Variants in MAPRE2 observed in about 807,000 individuals in gnomAD.
MAPRE2 encodes the protein microtubule associated protein RP/EB family member 2.
In MAPRE2, 13 loss-of-function variants were observed where a neutral mutation model predicts 43.2. That is an observed-to-expected ratio of 0.30 (90% confidence interval 0.20 to 0.48). MAPRE2 has a LOEUF of 0.48. MAPRE2 is among the 20% of genes least tolerant of loss of function. MAPRE2 has a pLI of 0.99. For synonymous variants in MAPRE2, 135 were observed against 148.8 expected, an observed-to-expected ratio of 0.91 and a Z score of 0.68; for missense variants, 161 against 400.2, an observed-to-expected ratio of 0.40 and a Z score of 5.10.
intron 2 of MAPRE2, among the ~76,000 whole-genome samples, chr18:35,096,721 A>G (rs1027814353): frequency 6.6e-6 from 1 of 152,110 alleles, no homozygotes; most frequent in Non-Finnish European, 1.5e-5. Flanking sequence ...TAAATTTACC[A>G]ATTTAATACT....
chr18:35,133,613 G>A (rs1910260558), intron 6 of MAPRE2, among the ~76,000 whole-genome samples: 1 of 152,238 alleles, frequency 6.6e-6, no homozygotes, highest in Admixed American at 6.5e-5. Context: ...CTGCTAGTGG[G>A]AATAAGGCCG....
intron 4 of MAPRE2, among the ~76,000 whole-genome samples, chr18:35,108,578 A>G (rs1909018897): frequency 6.6e-6 from 1 of 152,202 alleles, no homozygotes; most frequent in African/African-American, 2.4e-5. Context: ...AGTAATTTAC[A>G]TTCCCACCAA....
chr18:35,041,578 G>A lies in MAPRE2; in HGVS notation c.39G>A (p.Glu13=). The A allele has an allele frequency of 6.2e-7, 1 of 1,614,248 alleles. No homozygotes were observed. Among genetic ancestry groups the A allele is most frequent in the Non-Finnish European group, 8.5e-7 (1 of 1,180,048 alleles). The change falls in exon 1 of 7, where the codon GAG becomes GAA. Residue 13 remains glutamate, a synonymous_variant. Coordinates refer to ENST00000300249, the MANE Select transcript of MAPRE2 (RefSeq NM_014268.4). ...CCCAAACCCTGTCCCCAAATGGCGAGAACAACAACGACATCATCCAGGATA... is the reference window on the plus strand; with the variant it reads ...CCCAAACCCTGTCCCCAAATGGCGAAAACAACAACGACATCATCCAGGATA... The part of the protein sequence containing the change: ...GPTQTLSPNG[E]NNNDIIQDNN...
chr18:35,137,727 G>A (rs1417966715), intron 6 of MAPRE2, among the ~76,000 whole-genome samples: 4 of 152,198 alleles, frequency 2.6e-5, no homozygotes, highest in African/African-American at 4.8e-5. Context: ...AGAGACAGAT[G>A]TGTAGCCACC....
chr18:35,024,903 G>C (rs2097044201), intron 2 of MAPRE2, among the ~76,000 whole-genome samples: 1 of 152,020 alleles, frequency 6.6e-6, no homozygotes, highest in Non-Finnish European at 1.5e-5. Flanking sequence ...AATTTGCTTG[G>C]AGGGTGAGTG....
intron 1 of MAPRE2, among the ~76,000 whole-genome samples, chr18:34,998,664 T>C (rs2097027780): frequency 6.6e-6 from 1 of 151,834 alleles, no homozygotes; most frequent in Non-Finnish European, 1.5e-5. Context: ...GGTTTCTCCA[T>C]ATTGGCCAGG....
chr18:35,136,516 G>A (rs949719788), intron 6 of MAPRE2, among the ~76,000 whole-genome samples: 5 of 152,320 alleles, frequency 3.3e-5, no homozygotes, highest in African/African-American at 9.6e-5. Flanking sequence ...GATAAAAGCC[G>A]CCTGGAGGAC....
intron 2 of MAPRE2, among the ~76,000 whole-genome samples, chr18:35,084,982 T>G (rs1388221444): frequency 6.6e-6 from 1 of 152,226 alleles, no homozygotes; most frequent in African/African-American, 2.4e-5. Flanking sequence ...GCTTTCAAGC[T>G]GCTCCTCCAT....
intron 2 of MAPRE2, among the ~76,000 whole-genome samples, chr18:35,032,463 A>G (rs1039302359): frequency 1.3e-5 from 2 of 152,194 alleles, no homozygotes; most frequent in African/African-American, 4.8e-5. Context: ...AGTCCAAGGC[A>G]ATGCAAAAAT....
chr18:35,053,958 T>C (rs1289633816), intron 1 of MAPRE2, among the ~76,000 whole-genome samples: 1 of 152,132 alleles, frequency 6.6e-6, no homozygotes, highest in East Asian at 1.9e-4. Flanking sequence ...AAAAACTAAG[T>C]AAATGAAAAG....
intron 4 of MAPRE2, among the ~76,000 whole-genome samples, chr18:35,107,854 T>A (rs1490274931): frequency 1.3e-5 from 2 of 152,112 alleles, no homozygotes; most frequent in Non-Finnish European, 2.9e-5. Context: ...CAGAGTCTGT[T>A]GAATTTTCCT....
intron 3 of MAPRE2, among the ~76,000 whole-genome samples, chr18:35,100,066 T>G (rs1428371552): frequency 6.6e-6 from 1 of 152,208 alleles, no homozygotes; most frequent in Admixed American, 6.5e-5. Flanking sequence ...AGCAAAGCTG[T>G]GAGCTGTGTG....
intron 2 of MAPRE2, among the ~76,000 whole-genome samples, chr18:35,074,906 AT>A: frequency 6.6e-6 from 1 of 152,176 alleles, no homozygotes; most frequent in East Asian, 1.9e-4. Flanking sequence ...TTTCCTGAGC[AT>A]TTTAGTATTT....
At chr18:34,991,978 C>A (rs1390723222) in intron 1 of MAPRE2, among the ~76,000 whole-genome samples, 1 of 152,090 alleles carries the variant, frequency 6.6e-6, no homozygotes, top group Admixed American at 6.6e-5. Flanking sequence ...CTATTGGAAT[C>A]TGAAAGCTGT....
intron 4 of MAPRE2, among the ~76,000 whole-genome samples, chr18:35,116,440 C>A (rs1909414376): frequency 6.6e-6 from 1 of 152,204 alleles, no homozygotes; most frequent in African/African-American, 2.4e-5. Context: ...CCAGGCACAA[C>A]TTAGCTGGGT....
intron 5 of MAPRE2, 85 bp from the exon 6 acceptor site, chr18:35,131,947 T>C (rs910856521): frequency 2.3e-6 from 3 of 1,279,778 alleles, no homozygotes; most frequent in Non-Finnish European, 3.3e-6. Flanking sequence ...CTCTCTCTCT[T>C]TTGGGTTTTA....
intron 2 of MAPRE2, among the ~76,000 whole-genome samples, chr18:35,084,039 G>T (rs969436125): frequency 6.6e-6 from 1 of 152,162 alleles, no homozygotes; most frequent in African/African-American, 2.4e-5. Flanking sequence ...AACATTTAAT[G>T]TAGTTCTGCA....
chr18:35,115,238 T>C (rs551485368), intron 4 of MAPRE2, among the ~76,000 whole-genome samples: 1 of 152,316 alleles, frequency 6.6e-6, no homozygotes, highest in South Asian at 2.1e-4. Context: ...TCAAGGAAGA[T>C]GTAGTACTCA....
intron 1 of MAPRE2, among the ~76,000 whole-genome samples, chr18:35,062,098 C>T (rs1161207510): frequency 6.6e-6 from 1 of 152,112 alleles, no homozygotes; most frequent in African/African-American, 2.4e-5. Flanking sequence ...GGTGAGGACG[C>T]TGGGAAGGAG....
Sources: gnomAD v4.1 joint callset for allele counts (sites outside exome capture counted in the v4.1 genomes callset) on GRCh38, gnomAD v4.1.1 for gene constraint, MANE v1.5 for transcripts, NCBI Gene and HGNC (gene_info 2026-07-23, HGNC 2026-07-21) for gene names.